The following CFAP47 variants were observed in gnomAD, a reference collection of about 807,000 sequenced individuals.
CFAP47 encodes the protein cilia and flagella associated protein 47, also known as cilia- and flagella-associated protein 47.
A neutral mutation model predicts 148.1 loss-of-function variants in CFAP47; 29 were observed. That is an observed-to-expected ratio of 0.20 (90% CI 0.15 to 0.27). The LOEUF (loss-of-function observed/expected upper bound fraction) is 0.27, where lower values mean the gene tolerates loss of function less well. Among genes scored for constraint, CFAP47 ranks in the 10% least tolerant of loss-of-function variants. The pLI is 1.00. For missense variants in CFAP47, 1,872 were observed against 1,697.5 expected, an observed-to-expected ratio of 1.10 and a Z score of -1.81; for synonymous variants, 664 against 577.3, an observed-to-expected ratio of 1.15 and a Z score of -2.15.
intron 49 of CFAP47, among the ~76,000 whole-genome samples, chrX:36,256,186 G>A (rs781899160): frequency 2.7e-5 from 3 of 112,136 alleles, no homozygotes; most frequent in African/African-American, 9.7e-5. Context: ...TTGCAGTGGT[G>A]AAATATGCAA....
At chrX:36,195,043 A>T (rs1475601302) in intron 42 of CFAP47, among the ~76,000 whole-genome samples, 3 of 112,940 alleles carry the variant, frequency 2.7e-5, no homozygotes, top group African/African-American at 9.6e-5. Flanking sequence ...TACTCAGTGG[A>T]TGGTGCTTTG....
At chrX:36,322,111 AATT>A (rs1941483628) in intron 57 of CFAP47, among the ~76,000 whole-genome samples, 1 of 110,927 alleles carries the variant, frequency 9.0e-6, no homozygotes, top group Admixed American at 9.7e-5. Context: ...CTTGAATAAT[AATT>A]ATTATTTTGT....
chrX:36,347,573 A>G (rs1175468757), intron 57 of CFAP47, among the ~76,000 whole-genome samples: 3 of 112,316 alleles, frequency 2.7e-5, no homozygotes, highest in Non-Finnish European at 5.6e-5. Context: ...AATGTGACAC[A>G]TATACACCAC....
intron 49 of CFAP47, among the ~76,000 whole-genome samples, chrX:36,272,903 A>C (rs1386141567): frequency 9.0e-6 from 1 of 111,410 alleles, no homozygotes; most frequent in African/African-American, 3.3e-5. Flanking sequence ...ATATTTTGTG[A>C]TATTCAAGCA....
chrX:36,169,716 T>C (rs192808537), intron 39 of CFAP47, among the ~76,000 whole-genome samples: 120 of 111,321 alleles, frequency 1.1e-3, no homozygotes, highest in African/African-American at 3.5e-3. Context: ...ATTTTGGGGA[T>C]CAGGCAAGTT....
intron 62 of CFAP47, chrX:36,375,260 A>C (rs1157590872): frequency 5.5e-6 from 1 of 183,103 alleles, no homozygotes; most frequent in African/African-American, 3.1e-5. Context: ...GATATTTTCT[A>C]ATACGCCTTT....
intron 39 of CFAP47, among the ~76,000 whole-genome samples, chrX:36,163,098 T>C (rs1231141945): frequency 8.9e-6 from 1 of 112,165 alleles, no homozygotes; most frequent in Non-Finnish European, 1.9e-5. Context: ...CTGTTCAGAT[T>C]TTCTGTTTCT....
intron 42 of CFAP47, among the ~76,000 whole-genome samples, chrX:36,197,608 TACAAACAC>T (rs1191124498): frequency 2.7e-5 from 3 of 112,272 alleles, no homozygotes; most frequent in Admixed American, 9.5e-5. Flanking sequence ...TGGAAACACA[TACAAACAC>T]ACAAACACAC....
At chrX:36,286,917 T>G (rs925846415) in intron 51 of CFAP47, among the ~76,000 whole-genome samples, 1 of 111,350 alleles carries the variant, frequency 9.0e-6, no homozygotes, top group Non-Finnish European at 1.9e-5. Flanking sequence ...TCTCATTAAG[T>G]GGTGTATAAA....
intron 33 of CFAP47, among the ~76,000 whole-genome samples, chrX:36,129,207 T>A (rs762241492): frequency 9.0e-6 from 1 of 111,020 alleles, no homozygotes; most frequent in South Asian, 3.7e-4. Context: ...TAATGAGCTT[T>A]ATCTAAATTT....
chrX:36,263,366 G>C (rs1218836151), intron 49 of CFAP47, among the ~76,000 whole-genome samples: 1 of 111,897 alleles, frequency 8.9e-6, no homozygotes, highest in Non-Finnish European at 1.9e-5. Context: ...TAAATGCCTT[G>C]AGATAGTCTT....
At chrX:36,232,953 A>G (rs1229865906) in intron 46 of CFAP47, among the ~76,000 whole-genome samples, 1 of 111,824 alleles carries the variant, frequency 8.9e-6, no homozygotes, top group Admixed American at 9.5e-5. Flanking sequence ...CCTGAGTTCT[A>G]GTTTGATTGC....
At chrX:36,100,634 G>A (rs1185140599) in intron 32 of CFAP47, among the ~76,000 whole-genome samples, 2 of 111,598 alleles carry the variant, frequency 1.8e-5, no homozygotes, top group Middle Eastern at 4.6e-3. Flanking sequence ...AACCCCAGAC[G>A]GGTGAGCTGT....
Position 35,971,936 on chromosome X carries a change from C to A in CFAP47, c.2225C>A (p.Thr742Lys). 8.4e-7 allele frequency: 1 copy of A among 1,190,314 alleles called. No individual in the cohort carries two copies. The highest frequency in any genetic ancestry group is 1.1e-6 in the Non-Finnish European group (1 of 879,595). The change falls in exon 13 of 64, where the codon ACA becomes AAA. Residue 742 changes from threonine to lysine, a missense_variant. By Grantham distance (78) the Thr-to-Lys change is moderately conservative. Transcript: ENST00000378653. ...QEKHDCSLML[T>K]PKQIHQVIVG... is the part of the protein sequence containing the mutation. The stretch of plus-strand genomic sequence containing the variant: ...AAACATGATTGCAGCTTAATGTTGA[C>A]ACCAAAGCAAATTCATCAAGTAATT...
At chrX:36,062,697 G>T (rs1298968212) in intron 26 of CFAP47, among the ~76,000 whole-genome samples, 2 of 110,953 alleles carry the variant, frequency 1.8e-5, no homozygotes, top group Non-Finnish European at 3.8e-5. Context: ...GTTTTCAGGG[G>T]CTGGGGGTGG....
At chrX:36,182,315 C>T (rs1216675063) in intron 40 of CFAP47, among the ~76,000 whole-genome samples, 1 of 111,687 alleles carries the variant, frequency 9.0e-6, no homozygotes, top group African/African-American at 3.3e-5. Flanking sequence ...TTTCTCCATA[C>T]ACATCTAAAT....
chrX:36,361,595 T>C (rs955951473), intron 61 of CFAP47, 94 bp downstream of exon 61: 8 of 374,096 alleles, frequency 2.1e-5, no homozygotes, highest in African/African-American at 2.1e-4. Context: ...AATATTTGAA[T>C]TGCAATACTT....
Position 35,966,589 on chromosome X carries a change from C to T in CFAP47, c.1435C>T (p.His479Tyr), listed in dbSNP as rs2017496833. ...MVDVMCSFVP[H>Y]QLGVFKVKQM... ...GGATGTGATGTGTTCATTTGTTCCA[C>T]ATCAACTTGGAGTCTTCAAAGTGAA... is the stretch of plus-strand genomic sequence containing the variant. The change falls in exon 9 of 64, where the codon CAT (histidine) becomes TAT (tyrosine). Residue 479 changes from histidine to tyrosine, a missense_variant. Transcript: ENST00000378653. 3.7e-6 allele frequency: 4 copies of T among 1,086,349 alleles called. No homozygotes were observed. In the South Asian group the frequency reaches 8.1e-5, roughly 22 times the overall value. 89.5% of individuals were successfully genotyped at this position (1,086,349 alleles called of 1,213,427 possible). A position where few individuals can be genotyped will look rare whatever the true frequency, so the allele number is the denominator to read the frequency against.
chrX:36,100,558 A>G (rs1489281744), intron 32 of CFAP47, among the ~76,000 whole-genome samples: 1 of 111,748 alleles, frequency 8.9e-6, no homozygotes, highest in East Asian at 2.8e-4. Context: ...TAGGTTTTCA[A>G]ATATAGCACT....
Sources: allele counts gnomAD v4.1 joint callset (sites outside exome capture counted in the v4.1 genomes callset), GRCh38; gene constraint gnomAD v4.1.1; transcripts MANE v1.5; gene names NCBI Gene and HGNC (gene_info 2026-07-23, HGNC 2026-07-21).